FSIP2: variants seen among roughly 807,000 people sequenced by gnomAD.
FSIP2 encodes fibrous sheath interacting protein 2, also known as fibrous sheath-interacting protein 2.
In FSIP2, 367 loss-of-function variants were observed where a neutral mutation model predicts 510.5. The ratio of observed to expected loss-of-function variants is 0.72; its 90% CI spans 0.66 to 0.78. FSIP2 has a LOEUF of 0.78. Among genes scored for constraint, FSIP2 ranks in the 30% least tolerant of loss-of-function variants. The pLI is 0.00. For synonymous variants in FSIP2, 2,601 were observed against 2,732.2 expected (o/e 0.95, Z 1.50); for missense variants, 7,594 against 7,901.7 (o/e 0.96, Z 1.48).
In FSIP2 at chr2:185,744,370, A is replaced by G; in HGVS notation, c.436A>G (p.Ser146Gly). The G allele has an allele frequency of 7.9e-7, 1 of 1,266,922 alleles. No individual in the cohort carries two copies. The highest frequency in any genetic ancestry group is 1.5e-5 in the African/African-American group (1 of 64,526). The allele number at this position is 1,266,922 out of a possible 1,614,324, so 78.5% of individuals were successfully genotyped here. A position where few individuals can be genotyped will look rare whatever the true frequency, so the allele number is the denominator to read the frequency against. The change falls in exon 4 of 23, where the codon AGT (serine) becomes GGT (glycine). Residue 146 changes from serine (S) to glycine (G), a missense_variant. Coordinates refer to ENST00000424728, the MANE Select transcript of FSIP2 (RefSeq NM_173651.4). ...GAATAAGTACAGGCAATATCTTACC[A>G]GTTTAAAATTAGACTTTGAGAGAAA... ...ELNKYRQYLTSLKLDFERNYI... is the reference protein window; with the variant it reads ...ELNKYRQYLTGLKLDFERNYI...
chr2:185,810,171 C>T (rs1468888209), intron 17 of FSIP2, among the ~76,000 whole-genome samples: 1 of 152,026 alleles, frequency 6.6e-6, no homozygotes, highest in East Asian at 1.9e-4. Flanking sequence ...CTAATTAATG[C>T]TTTAAGCTTT....
At chr2:185,779,656 CAG>C (rs1208050545) in intron 13 of FSIP2, among the ~76,000 whole-genome samples, 15 of 152,032 alleles carry the variant, frequency 9.9e-5, no homozygotes, top group Non-Finnish European at 1.8e-4. Context: ...AAGGTTTTAT[CAG>C]TCAAATTGCT....
At position 185,805,560 on chromosome 2, in the gene FSIP2, G is replaced by T. The variant is rs1392278602; in HGVS notation, c.16254G>T (p.Arg5418Ser). 5 of 1,610,252 alleles carry T rather than the reference G, an allele frequency of 3.1e-6. No homozygotes were observed. In the African/African-American group the frequency reaches 5.4e-5, roughly 17 times the overall value. ...SFLNPDNITQ[R>S]VQHLPQNTFT... The stretch of plus-strand genomic sequence containing the variant: ...TAAATCCAGATAATATCACCCAAAG[G>T]GTTCAACACCTACCACAAAACACCT... The change falls in exon 17 of 23, where the codon AGG becomes AGT. Residue 5418 changes from arginine (R) to serine (S), a missense_variant. By Grantham distance (110) the Arg-to-Ser change is moderately radical. Coordinates refer to ENST00000424728, the MANE Select transcript of FSIP2 (RefSeq NM_173651.4).
At chr2:185,828,132 CTT>C (rs752584676) in intron 20 of FSIP2, 22 bp from the exon 21 acceptor site, 1,481 of 1,119,928 alleles carry the variant, frequency 1.3e-3, no homozygotes, top group Non-Finnish European at 1.6e-3. Flanking sequence ...GACTATTTTA[CTT>C]TTTTTTTTTT....
At chr2:185,760,086 TATTA>T (rs1351740431) in intron 9 of FSIP2, among the ~76,000 whole-genome samples, 1 of 151,036 alleles carries the variant, frequency 6.6e-6, no homozygotes, top group Non-Finnish European at 1.5e-5. Context: ...TTATTTCATT[TATTA>T]ATTATCTGTA....
chr2:185,761,596 T>C lies in FSIP2; in HGVS notation c.1195-376T>C, dbSNP rs555311688. Among the ~76,000 whole-genome samples, 10 of 151,388 alleles carry C rather than the reference T, an allele frequency of 6.6e-5. No homozygotes were observed. In the South Asian group the frequency reaches 1.4e-3, roughly 22 times the overall value. ...CTTTGGTTCTAAACAGTGTTTTTAA[T>C]AAGCATTACACTGGTTTGGACTGGG... On this transcript the variant is annotated intron_variant, in intron 10 of 22. Transcript: ENST00000424728.
In FSIP2 at chr2:185,796,995, C is replaced by A. The variant is rs1170773599; in HGVS notation, c.9859C>A (p.Gln3287Lys). 2 of 1,534,870 alleles carry A rather than the reference C, an allele frequency of 1.3e-6. No individual in the cohort carries two copies. Among genetic ancestry groups the A allele is most frequent in the African/African-American group, 1.4e-5 (1 of 72,900 alleles). ...ASDSTEAALKQVLSFIEMGKG... is the reference protein window; with the variant it reads ...ASDSTEAALKKVLSFIEMGKG... ...TGACTCCACAGAAGCAGCATTAAAG[C>A]AAGTCTTGTCATTCATAGAAATGGG... Residue 3287 changes from glutamine to lysine, a missense_variant, in exon 16 of 23, where the codon CAA (glutamine) becomes AAA (lysine). Transcript: ENST00000424728.
At chr2:185,831,904 C>T (rs747837451) in intron 22 of FSIP2, 22 bp downstream of exon 22, 1 of 1,432,006 alleles carries the variant, frequency 7.0e-7, no homozygotes, top group African/African-American at 1.4e-5. Context: ...ACTATTTTAA[C>T]AACTGGTGTA....
rs926698105 is a variant in FSIP2 at position 185,802,928 on chromosome 2, A to G, written c.13622A>G (p.Gln4541Arg). 1.3e-6 allele frequency: 2 copies of G among 1,511,180 alleles called. No homozygotes were observed. The highest frequency in any genetic ancestry group is 3.4e-4 in the Middle Eastern group (2 of 5,812). The allele number at this position is 1,511,180 out of a possible 1,614,324, so 93.6% of individuals were successfully genotyped here. ...TTTATTTATTCAGAAGATGATATTCAGCACCTTGTTGATTCAGTATTTGCA... is the reference window on the plus strand; with the variant it reads ...TTTATTTATTCAGAAGATGATATTCGGCACCTTGTTGATTCAGTATTTGCA... ...TKFIYSEDDI[Q>R]HLVDSVFANV... Residue 4541 changes from glutamine to arginine, a missense_variant, in exon 17 of 23, where the codon CAG becomes CGG. Gln to Arg is a conservative substitution (Grantham distance 43, BLOSUM62 1). Coordinates refer to ENST00000424728, the MANE Select transcript of FSIP2 (RefSeq NM_173651.4).
chr2:185,785,952 G>GAAAC (rs1463410549), intron 14 of FSIP2, among the ~76,000 whole-genome samples: 2 of 151,862 alleles, frequency 1.3e-5, no homozygotes, highest in African/African-American at 4.8e-5. Context: ...CATTTTCAGA[G>GAAAC]AAACACAATG....
chr2:185,789,203 A>G lies in FSIP2; in HGVS notation c.2067A>G (p.Leu689=). ...TAKAMDEMKN[L]KNVFVNFKCY... is the part of the protein sequence containing the mutation. ...AAGCCATGGATGAAATGAAGAATTT[A>G]AAAAATGTTTTTGTTAACTTTAAAT... The change falls in exon 16 of 23, where the codon TTA becomes TTG. Residue 689 remains leucine (L), a synonymous_variant. Transcript: ENST00000424728. 3 of 1,534,488 alleles carry G rather than the reference A, an allele frequency of 2.0e-6. No individual in the cohort carries two copies. The highest frequency in any genetic ancestry group is 2.6e-6 in the Non-Finnish European group (3 of 1,145,732).
chr2:185,776,920 C>T (rs1027868372), intron 13 of FSIP2, among the ~76,000 whole-genome samples: 37 of 152,030 alleles, frequency 2.4e-4, no homozygotes, highest in Admixed American at 2.2e-3. Context: ...GACCAGGTTT[C>T]GCCATGTTGG....
At chr2:185,759,189 A>T (rs1174873453) in intron 9 of FSIP2, among the ~76,000 whole-genome samples, 2 of 150,794 alleles carry the variant, frequency 1.3e-5, no homozygotes, top group East Asian at 3.9e-4. Flanking sequence ...AGAAAAAGAC[A>T]TCCCCTTTTT....
At chr2:185,751,283 G>A (rs1692140772) in intron 7 of FSIP2, among the ~76,000 whole-genome samples, 1 of 151,432 alleles carries the variant, frequency 6.6e-6, no homozygotes, top group East Asian at 1.9e-4. Context: ...TGTTATGTCT[G>A]TTGGTGATTT....
chr2:185,807,676 G>C lies in FSIP2; in HGVS notation c.18370G>C (p.Glu6124Gln), dbSNP rs1353072833. Residue 6124 changes from glutamate to glutamine, a missense_variant, in exon 17 of 23, where the codon GAA (glutamate) becomes CAA (glutamine). Physicochemically the swap from Glu to Gln is conservative, Grantham distance 29. Coordinates refer to ENST00000424728, the MANE Select transcript of FSIP2 (RefSeq NM_173651.4). ...SENIVDLVLR[E>Q]VASNQLQSYF... The stretch of plus-strand genomic sequence containing the variant: ...AAACATAGTTGACTTGGTTCTACGA[G>C]AAGTGGCTAGCAATCAGCTGCAGAG... The C allele has an allele frequency of 1.2e-6, 2 of 1,612,866 alleles. No homozygotes were observed. Among genetic ancestry groups the C allele is most frequent in the Non-Finnish European group, 1.7e-6 (2 of 1,179,270 alleles).
rs1693533033 is a variant in FSIP2 at position 185,805,112 on chromosome 2, C to T, written c.15806C>T (p.Pro5269Leu). 6 of 1,608,626 alleles carry T rather than the reference C, an allele frequency of 3.7e-6. No individual in the cohort carries two copies. The highest frequency in any genetic ancestry group is 1.3e-5 in the African/African-American group (1 of 74,614). ...LAKSGKEKTQ[P>L]SLYSATFLED... ...AAATCTGGTAAAGAAAAGACACAGC[C>T]TTCTCTCTATTCAGCTACATTTTTG... Residue 5269 changes from proline (P) to leucine (L), a missense_variant, in exon 17 of 23, where the codon CCT (proline) becomes CTT (leucine). By Grantham distance (98) the Pro-to-Leu change is moderately conservative. Transcript: ENST00000424728.
At chr2:185,740,239 T>A (rs1691898185) in intron 2 of FSIP2, 1 of 152,138 alleles carries the variant, frequency 6.6e-6, no homozygotes, top group Non-Finnish European at 1.5e-5. Context: ...AGCCCCCCCG[T>A]TAGCTTATTT....
chr2:185,778,337 T>C (rs1215267728), intron 13 of FSIP2, among the ~76,000 whole-genome samples: 1 of 152,046 alleles, frequency 6.6e-6, no homozygotes, highest in African/African-American at 2.4e-5. Context: ...ATGATTGTTA[T>C]GGGAATTCAA....
intron 13 of FSIP2, among the ~76,000 whole-genome samples, chr2:185,774,424 T>G (rs983323067): frequency 1.3e-5 from 2 of 152,224 alleles, no homozygotes; most frequent in African/African-American, 2.4e-5. Flanking sequence ...AACTTCACTT[T>G]ATCTTTATCC....
Sources: allele counts gnomAD v4.1 joint callset (sites outside exome capture counted in the v4.1 genomes callset), GRCh38; gene constraint gnomAD v4.1.1; transcripts MANE v1.5; gene names NCBI Gene and HGNC (gene_info 2026-07-23, HGNC 2026-07-21).